The following CCSER1 variants were observed in gnomAD, a reference collection of about 807,000 sequenced individuals.
CCSER1 encodes coiled-coil serine rich protein 1, also known as serine-rich coiled-coil domain-containing protein 1.
Under a neutral mutation model 82.0 loss-of-function variants are expected in CCSER1, and 41 were observed. The ratio of observed to expected loss-of-function variants is 0.50; its 90% CI spans 0.39 to 0.65. CCSER1 has a LOEUF of 0.65. CCSER1 is among the 30% of genes least tolerant of loss of function. The probability of loss-of-function intolerance (pLI) is 0.00; values close to 1 mark genes in which losing one functional copy is unlikely to be tolerated. For missense variants in CCSER1, 1,119 were observed against 1,064.2 expected (o/e 1.05, Z -0.72); for synonymous variants, 414 against 383.9 (o/e 1.08, Z -0.92).
chr4:91,486,782 T>C (rs1376618583), intron 10 of CCSER1, among the ~76,000 whole-genome samples: 1 of 152,038 alleles, frequency 6.6e-6, no homozygotes, highest in Non-Finnish European at 1.5e-5. Flanking sequence ...TGGATTTTGG[T>C]ATGGGATGGG....
At position 90,254,694 on chromosome 4, in the gene CCSER1, T is replaced by C. The variant is rs149931626; in HGVS notation, c.-41-53550T>C. Among the ~76,000 whole-genome samples, 42 of 152,190 alleles carry C rather than the reference T, an allele frequency of 2.8e-4. No homozygotes were observed. The East Asian group carries it at 8.1e-3, about 29-fold the overall frequency. ...CTGTGTTCTTGTCTGTACATGCCGA[T>C]AGTAGAGCTTCCATAAAGTTGAGCT... On this transcript the variant is annotated intron_variant, in intron 1 of 10. Coordinates refer to ENST00000509176, the MANE Select transcript of CCSER1 (RefSeq NM_001145065.2).
At chr4:90,435,405 A>T (rs1205811647) in intron 4 of CCSER1, among the ~76,000 whole-genome samples, 1 of 152,128 alleles carries the variant, frequency 6.6e-6, no homozygotes, top group African/African-American at 2.4e-5. Context: ...CTAGAGAGGG[A>T]TCTCATCTCT....
In CCSER1 at chr4:90,701,065, A is replaced by G. The variant is rs1306222535; in HGVS notation, c.1933-22849A>G. Among the ~76,000 whole-genome samples, 6 of 152,280 alleles carry G rather than the reference A, an allele frequency of 3.9e-5. No homozygotes were observed. The South Asian group carries it at 1.2e-3, about 32-fold the overall frequency. ...AGACATGAAGTCCTTGCCCATGCCT[A>G]TGTCCTGAATGGTATTGCCTAGGTT... On this transcript the variant is annotated intron_variant, in intron 6 of 10. Coordinates refer to ENST00000509176, the MANE Select transcript of CCSER1 (RefSeq NM_001145065.2).
chr4:91,259,863 A>T (rs1047023213), intron 10 of CCSER1, among the ~76,000 whole-genome samples: 1 of 152,134 alleles, frequency 6.6e-6, no homozygotes, highest in Non-Finnish European at 1.5e-5. Context: ...GGTTGGTTCC[A>T]AGTCTTTGCT....
At chr4:91,596,580 T>C (rs1203314926) in intron 10 of CCSER1, among the ~76,000 whole-genome samples, 2 of 152,050 alleles carry the variant, frequency 1.3e-5, no homozygotes, top group Non-Finnish European at 2.9e-5. Flanking sequence ...AATAGGTCCA[T>C]AGCCTAGAGT....
intron 10 of CCSER1, among the ~76,000 whole-genome samples, chr4:91,411,003 G>A (rs549151702): frequency 6.6e-6 from 1 of 151,884 alleles, no homozygotes. Flanking sequence ...AATGATTATA[G>A]TTATGTGAAG....
chr4:90,773,537 C>A (rs1752508344), intron 7 of CCSER1, among the ~76,000 whole-genome samples: 1 of 152,114 alleles, frequency 6.6e-6, no homozygotes, highest in Non-Finnish European at 1.5e-5. Flanking sequence ...TAAGACTACT[C>A]AGGAATAAAA....
intron 10 of CCSER1, among the ~76,000 whole-genome samples, chr4:91,276,298 T>A (rs563790814): frequency 0.02 from 3,069 of 150,194 alleles, 109 homozygotes; most frequent in African/African-American, 0.071. Context: ...CTTTCCTTTT[T>A]TTTTTTTTTT....
At chr4:90,863,058 T>C (rs2149995106) in intron 8 of CCSER1, among the ~76,000 whole-genome samples, 1 of 151,554 alleles carries the variant, frequency 6.6e-6, no homozygotes, top group South Asian at 2.1e-4. Flanking sequence ...CATTTAGCAT[T>C]AGGTATATCT....
intron 8 of CCSER1, among the ~76,000 whole-genome samples, chr4:90,914,560 C>T (rs1726985337): frequency 6.6e-6 from 1 of 151,964 alleles, no homozygotes; most frequent in African/African-American, 2.4e-5. Flanking sequence ...CTAAAACTGA[C>T]ACCCTAACAT....
At chr4:90,645,713 A>G (rs2149009893) in intron 6 of CCSER1, among the ~76,000 whole-genome samples, 1 of 152,282 alleles carries the variant, frequency 6.6e-6, no homozygotes. Context: ...CTAATTTAGT[A>G]CCTACTGAAA....
Position 91,337,684 on chromosome 4 carries a change from C to T in CCSER1, c.2217+251690C>T, listed in dbSNP as rs141769565. 1.2e-3 allele frequency among the ~76,000 whole-genome samples: 179 copies of T among 152,212 alleles called. 1 individual carries two copies. The highest frequency in any genetic ancestry group is 7.5e-3 in the South Asian group (36 of 4,820). ...AGTGAACATGGATAAAACATTCTCT[C>T]CTGTTCCCCAAGGCTTTTTCCTCTC... On this transcript the variant is annotated intron_variant, in intron 10 of 10. Coordinates refer to ENST00000509176, the MANE Select transcript of CCSER1 (RefSeq NM_001145065.2).
chr4:90,339,538 T>G (rs929344076), intron 3 of CCSER1, among the ~76,000 whole-genome samples: 8 of 152,192 alleles, frequency 5.3e-5, no homozygotes, highest in African/African-American at 1.9e-4. Flanking sequence ...TACCTTCCTT[T>G]CGCTCCACTA....
chr4:91,198,757 TTAAAA>T (rs1348472583), intron 10 of CCSER1, among the ~76,000 whole-genome samples: 2 of 152,140 alleles, frequency 1.3e-5, no homozygotes, highest in African/African-American at 4.8e-5. Flanking sequence ...ATAAATCCAC[TTAAAA>T]TGAGATGCCA....
At chr4:91,039,785 TACAC>T (rs149742434) in intron 9 of CCSER1, among the ~76,000 whole-genome samples, 2 of 151,586 alleles carry the variant, frequency 1.3e-5, no homozygotes, top group African/African-American at 4.8e-5. Context: ...GTGATATATA[TACAC>T]ACACACACAT....
intron 10 of CCSER1, among the ~76,000 whole-genome samples, chr4:91,577,951 A>G (rs565407903): frequency 6.6e-6 from 1 of 152,040 alleles, no homozygotes; most frequent in Non-Finnish European, 1.5e-5. Flanking sequence ...ATTTTATGTC[A>G]ATGTTTAAAA....
intron 9 of CCSER1, among the ~76,000 whole-genome samples, chr4:91,000,000 A>G (rs770229215): frequency 3.4e-4 from 52 of 151,654 alleles, no homozygotes; most frequent in Non-Finnish European, 7.2e-4. Context: ...ATTCTTCTGC[A>G]TATGGCTAGA....
At chr4:90,292,973 A>T (rs891583714) in intron 1 of CCSER1, among the ~76,000 whole-genome samples, 13 of 151,900 alleles carry the variant, frequency 8.6e-5, no homozygotes, top group African/African-American at 2.7e-4. Context: ...AGACTTTGGT[A>T]TTCATCCTAT....
intron 8 of CCSER1, among the ~76,000 whole-genome samples, chr4:90,816,575 ATAAT>A (rs1199357118): frequency 2.6e-5 from 4 of 152,228 alleles, no homozygotes; most frequent in South Asian, 2.1e-4. Flanking sequence ...CTCTAAAACA[ATAAT>A]TAAATAGAAA....
Sources: allele counts gnomAD v4.1 joint callset (sites outside exome capture counted in the v4.1 genomes callset), GRCh38; gene constraint gnomAD v4.1.1; transcripts MANE v1.5; gene names NCBI Gene and HGNC (gene_info 2026-07-23, HGNC 2026-07-21).